The following GDPD1 variants were observed in gnomAD, a reference collection of about 807,000 sequenced individuals.
GDPD1 encodes glycerophosphodiester phosphodiesterase domain containing 1, also known as lysophospholipase D GDPD1.
GDPD1 carries 28 observed loss-of-function variants against 45.1 expected under a neutral mutation model. The ratio of observed to expected loss-of-function variants is 0.62; its 90% CI spans 0.46 to 0.85. GDPD1 has a LOEUF of 0.85. Among genes scored for constraint, GDPD1 ranks in the 40% least tolerant of loss-of-function variants. The probability of loss-of-function intolerance (pLI) is 0.00; values close to 1 mark genes in which losing one functional copy is unlikely to be tolerated. For synonymous variants in GDPD1, 139 were observed against 131.4 expected, an observed-to-expected ratio of 1.06 and a Z score of -0.40; for missense variants, 256 against 364.8, an observed-to-expected ratio of 0.70 and a Z score of 2.43.
intron 2 of GDPD1, among the ~76,000 whole-genome samples, chr17:59,238,558 C>A (rs1356074917): frequency 6.6e-6 from 1 of 151,700 alleles, no homozygotes; most frequent in Non-Finnish European, 1.5e-5. Flanking sequence ...GGACTACAGG[C>A]GCATGCCAGC....
At chr17:59,247,584 G>T (rs2047221726) in intron 3 of GDPD1, among the ~76,000 whole-genome samples, 1 of 151,966 alleles carries the variant, frequency 6.6e-6, no homozygotes, top group Non-Finnish European at 1.5e-5. Context: ...TCGATTGATG[G>T]ACATTGGATT....
intron 2 of GDPD1, among the ~76,000 whole-genome samples, chr17:59,238,661 C>T (rs1303092094): frequency 6.6e-6 from 1 of 152,154 alleles, no homozygotes; most frequent in African/African-American, 2.4e-5. Flanking sequence ...GATCCACCTG[C>T]CTTAGCCTCC....
At chr17:59,247,528 T>C (rs2147888169) in intron 3 of GDPD1, among the ~76,000 whole-genome samples, 1 of 152,322 alleles carries the variant, frequency 6.6e-6, no homozygotes. Context: ...TTCAAATGAC[T>C]ATAGTTATTC....
Position 59,274,262 on chromosome 17 carries a change from C to T in GDPD1, c.*489C>T. The T allele has an allele frequency of 1.6e-6, 1 of 606,532 alleles. No homozygotes were observed. The highest frequency in any genetic ancestry group is 2.1e-6 in the Non-Finnish European group (1 of 483,974). 37.6% of individuals were successfully genotyped at this position (606,532 alleles called of 1,614,324 possible). A position where few individuals can be genotyped will look rare whatever the true frequency, so the allele number is the denominator to read the frequency against. ...GTGTGGTGGCTCATGCCTGTAATCCCAGCACTTTGGGAGGCTGAGACAGGC... is the reference window on the plus strand; with the variant it reads ...GTGTGGTGGCTCATGCCTGTAATCCTAGCACTTTGGGAGGCTGAGACAGGC... On this transcript the variant is annotated 3_prime_UTR_variant, in exon 10 of 10. Coordinates refer to ENST00000284116, the MANE Select transcript of GDPD1 (RefSeq NM_182569.4).
chr17:59,273,309 G>A (rs1194935582), intron 9 of GDPD1, among the ~76,000 whole-genome samples: 2 of 152,034 alleles, frequency 1.3e-5, no homozygotes, highest in South Asian at 2.1e-4. Flanking sequence ...TGTATTTTTA[G>A]TAGAGACTGG....
At chr17:59,251,127 T>C (rs1316052763) in intron 4 of GDPD1, among the ~76,000 whole-genome samples, 1 of 152,188 alleles carries the variant, frequency 6.6e-6, no homozygotes, top group Non-Finnish European at 1.5e-5. Flanking sequence ...GAAATAACAA[T>C]GCTAGAACTT....
At chr17:59,254,775 G>A (rs72831229) in intron 4 of GDPD1, among the ~76,000 whole-genome samples, 2 of 152,206 alleles carry the variant, frequency 1.3e-5, no homozygotes, top group Admixed American at 6.6e-5. Context: ...CTCTATCTCC[G>A]TTTCTTGCTT....
At chr17:59,221,077 T>A (rs2047000363) in intron 1 of GDPD1, among the ~76,000 whole-genome samples, 1 of 151,768 alleles carries the variant, frequency 6.6e-6, no homozygotes, top group Non-Finnish European at 1.5e-5. Context: ...CAAGGTCCCT[T>A]CCTAGCAGCA....
chr17:59,241,965 G>A (rs1340499311), intron 2 of GDPD1, among the ~76,000 whole-genome samples: 1 of 152,050 alleles, frequency 6.6e-6, no homozygotes, highest in Non-Finnish European at 1.5e-5. Context: ...GTGTTTATTA[G>A]ATTAAATTCC....
chr17:59,242,123 C>T (rs1035137439), intron 2 of GDPD1, among the ~76,000 whole-genome samples: 1 of 151,560 alleles, frequency 6.6e-6, no homozygotes, highest in Non-Finnish European at 1.5e-5. Context: ...AGTGCAGTGG[C>T]ATAATCTTGG....
chr17:59,239,997 T>C (rs2047163017), intron 2 of GDPD1, among the ~76,000 whole-genome samples: 1 of 152,016 alleles, frequency 6.6e-6, no homozygotes, highest in African/African-American at 2.4e-5. Context: ...ACTGCACCTT[T>C]AATTTTACAC....
intron 6 of GDPD1, among the ~76,000 whole-genome samples, chr17:59,259,684 G>A (rs1177382495): frequency 1.3e-5 from 2 of 150,232 alleles, no homozygotes; most frequent in Non-Finnish European, 3.0e-5. Flanking sequence ...GGAAAGCAGA[G>A]GTTGCAGTGA....
intron 2 of GDPD1, among the ~76,000 whole-genome samples, chr17:59,241,407 TC>T (rs1257974566): frequency 6.6e-6 from 1 of 152,120 alleles, no homozygotes. Flanking sequence ...AATCTCTGCC[TC>T]CCGGGTTCAA....
At chr17:59,258,603 G>T (rs978483339) in intron 6 of GDPD1, among the ~76,000 whole-genome samples, 2 of 152,094 alleles carry the variant, frequency 1.3e-5, no homozygotes, top group African/African-American at 2.4e-5. Flanking sequence ...AGATGGTACT[G>T]GGTGGAAGCA....
intron 6 of GDPD1, among the ~76,000 whole-genome samples, chr17:59,258,342 G>A (rs759914940): frequency 4.6e-5 from 7 of 151,914 alleles, no homozygotes; most frequent in Non-Finnish European, 8.8e-5. Context: ...TCAGGAGTTC[G>A]AGACCAACCT....
intron 1 of GDPD1, among the ~76,000 whole-genome samples, chr17:59,229,240 A>G (rs1470150236): frequency 1.3e-5 from 2 of 149,106 alleles, no homozygotes; most frequent in Admixed American, 6.7e-5. Context: ...TGCAAACTCT[A>G]CCTCCTGGGT....
At chr17:59,233,781 CA>C (rs2047110531) in intron 1 of GDPD1, among the ~76,000 whole-genome samples, 1 of 152,130 alleles carries the variant, frequency 6.6e-6, no homozygotes, top group South Asian at 2.1e-4. Context: ...TGATGCCAAA[CA>C]ACTACAGATT....
At chr17:59,247,731 G>T (rs969740033) in intron 3 of GDPD1, among the ~76,000 whole-genome samples, 8 of 152,002 alleles carry the variant, frequency 5.3e-5, no homozygotes, top group Non-Finnish European at 1.0e-4. Context: ...CCGGGTTCAA[G>T]AAATTCTCCT....
At chr17:59,224,681 G>A (rs1265583734) in intron 1 of GDPD1, among the ~76,000 whole-genome samples, 2 of 151,812 alleles carry the variant, frequency 1.3e-5, no homozygotes, top group Non-Finnish European at 2.9e-5. Flanking sequence ...GTTGAGCCGG[G>A]TGTGATGGTG....
Sources: allele counts gnomAD v4.1 joint callset (sites outside exome capture counted in the v4.1 genomes callset), GRCh38; gene constraint gnomAD v4.1.1; transcripts MANE v1.5; gene names NCBI Gene and HGNC (gene_info 2026-07-23, HGNC 2026-07-21).